EXT1: variants seen among roughly 807,000 people sequenced by gnomAD.
EXT1 encodes the protein exostosin-1.
In EXT1, 20 loss-of-function variants were observed where a neutral mutation model predicts 82.5. That is an observed-to-expected ratio of 0.24 (90% CI 0.17 to 0.35). The LOEUF (loss-of-function observed/expected upper bound fraction) is 0.35, where lower values mean the gene tolerates loss of function less well. Ranked by LOEUF, EXT1 falls within the 10% of genes least tolerant of loss-of-function variation. The pLI is 1.00. For missense variants in EXT1, 757 were observed against 936.5 expected (o/e 0.81, Z 2.50); for synonymous variants, 348 against 350.8 (o/e 0.99, Z 0.09).
intron 1 of EXT1, among the ~76,000 whole-genome samples, chr8:118,001,238 G>A (rs150493967): frequency 6.6e-6 from 1 of 152,290 alleles, no homozygotes; most frequent in Non-Finnish European, 1.5e-5. Flanking sequence ...TCAGGCTGGA[G>A]TGTAATGAGG....
intron 1 of EXT1, among the ~76,000 whole-genome samples, chr8:118,083,358 C>A (rs1324076423): frequency 6.6e-6 from 1 of 152,184 alleles, no homozygotes; most frequent in Non-Finnish European, 1.5e-5. Flanking sequence ...TACTCTCCAT[C>A]GAGTCCCCAT....
At chr8:118,071,892 C>G (rs1186810004) in intron 1 of EXT1, among the ~76,000 whole-genome samples, 1 of 141,564 alleles carries the variant, frequency 7.1e-6, no homozygotes, top group African/African-American at 2.7e-5. Context: ...AAACAGCATC[C>G]TGTCCCATTT....
intron 1 of EXT1, among the ~76,000 whole-genome samples, chr8:117,838,546 T>C (rs1187710305): frequency 3.9e-5 from 6 of 151,986 alleles, no homozygotes; most frequent in African/African-American, 9.7e-5. Context: ...CCATTGAGAG[T>C]AAAAATTTTC....
intron 1 of EXT1, among the ~76,000 whole-genome samples, chr8:118,051,620 CA>C (rs1160979885): frequency 6.6e-6 from 1 of 152,048 alleles, no homozygotes; most frequent in Non-Finnish European, 1.5e-5. Flanking sequence ...CTGTCAATGA[CA>C]GGCTGATTTA....
chr8:118,103,093 C>A (rs1027564215), intron 1 of EXT1, among the ~76,000 whole-genome samples: 3 of 152,104 alleles, frequency 2.0e-5, no homozygotes, highest in Non-Finnish European at 4.4e-5. Flanking sequence ...GAGGAGGTTG[C>A]GGTAAGCCGA....
chr8:118,042,117 A>G (rs1234931455), intron 1 of EXT1, among the ~76,000 whole-genome samples: 1 of 152,040 alleles, frequency 6.6e-6, no homozygotes, highest in Non-Finnish European at 1.5e-5. Context: ...TAAAGAAATT[A>G]CTTTTTCCAT....
chr8:118,034,851 C>T (rs1203936344), intron 1 of EXT1, among the ~76,000 whole-genome samples: 1 of 152,160 alleles, frequency 6.6e-6, no homozygotes, highest in Non-Finnish European at 1.5e-5. Context: ...GATGTTCCTA[C>T]TTGTACACAG....
chr8:118,026,261 G>A (rs1816200236), intron 1 of EXT1, among the ~76,000 whole-genome samples: 1 of 152,106 alleles, frequency 6.6e-6, no homozygotes, highest in Non-Finnish European at 1.5e-5. Context: ...GCTAAGGTGA[G>A]GGCTAATGGG....
At chr8:118,070,226 C>CTGTGTGTGTGTGTGTGTG (rs36229782) in intron 1 of EXT1, among the ~76,000 whole-genome samples, 2 of 133,352 alleles carry the variant, frequency 1.5e-5, no homozygotes, top group African/African-American at 2.8e-5. Flanking sequence ...TCATAAATTT[C>CTGTGTGTGTGTGTGTGTG]TGTGTGTGTG....
intron 1 of EXT1, among the ~76,000 whole-genome samples, chr8:118,044,171 T>C (rs1269340927): frequency 6.6e-6 from 1 of 152,230 alleles, no homozygotes; most frequent in African/African-American, 2.4e-5. Context: ...TACTATGTTA[T>C]AGCAACTATA....
chr8:117,818,653 G>A lies in EXT1; in HGVS notation c.1537-123C>T, dbSNP rs532513201. 3.9e-5 allele frequency: 31 copies of A among 801,898 alleles called. No homozygotes were observed. In the Admixed American group the frequency reaches 4.2e-4, roughly 11 times the overall value. The allele number at this position is 801,898 out of a possible 1,614,324, so 49.7% of individuals were successfully genotyped here. The stretch of plus-strand genomic sequence containing the variant: ...GCTGGAAATCTCAGCAAGACAAAAC[G>A]GCAGACATCAAAACTGAGTTTTAAA... On this transcript the variant is annotated intron_variant, in intron 6 of 10. Coordinates refer to ENST00000378204, the MANE Select transcript of EXT1 (RefSeq NM_000127.3).
chr8:118,032,459 C>A (rs1816342452), intron 1 of EXT1, among the ~76,000 whole-genome samples: 1 of 149,486 alleles, frequency 6.7e-6, no homozygotes, highest in South Asian at 2.1e-4. Flanking sequence ...AATCTAGTGT[C>A]TTTAAAATAC....
intron 1 of EXT1, among the ~76,000 whole-genome samples, chr8:117,890,532 G>A (rs1274268051): frequency 6.6e-6 from 1 of 152,206 alleles, no homozygotes; most frequent in Admixed American, 6.5e-5. Context: ...TAAACTCATA[G>A]TAGGCAGGGC....
chr8:117,925,319 A>T (rs868720554), intron 1 of EXT1, among the ~76,000 whole-genome samples: 2 of 151,698 alleles, frequency 1.3e-5, no homozygotes, highest in Admixed American at 6.6e-5. Context: ...TCTGGCACAC[A>T]CATAATTGTT....
intron 6 of EXT1, 107 bp from the exon 7 acceptor site, chr8:117,818,637 C>T (rs1811868342): frequency 1.1e-6 from 1 of 920,480 alleles, no homozygotes; most frequent in East Asian, 2.4e-5. Flanking sequence ...AGCTGGAAAT[C>T]TCAGCAAGAC....
At chr8:118,104,476 G>A (rs938273758) in intron 1 of EXT1, among the ~76,000 whole-genome samples, 3 of 152,080 alleles carry the variant, frequency 2.0e-5, no homozygotes, top group Non-Finnish European at 4.4e-5. Context: ...GAAAAAAAAC[G>A]CACTATTTTC....
At chr8:117,881,933 T>C (rs916671899) in intron 1 of EXT1, among the ~76,000 whole-genome samples, 3 of 152,162 alleles carry the variant, frequency 2.0e-5, no homozygotes, top group African/African-American at 7.2e-5. Flanking sequence ...CTATCCTGGA[T>C]AGAGTAGCTT....
At chr8:118,060,255 G>A (rs1405058870) in intron 1 of EXT1, among the ~76,000 whole-genome samples, 1 of 152,138 alleles carries the variant, frequency 6.6e-6, no homozygotes, top group Non-Finnish European at 1.5e-5. Flanking sequence ...CACATCTTAA[G>A]CCAGTGGTCA....
chr8:118,007,665 T>G (rs550228169), intron 1 of EXT1, among the ~76,000 whole-genome samples: 1 of 152,302 alleles, frequency 6.6e-6, no homozygotes, highest in South Asian at 2.1e-4. Context: ...CTAACATGAT[T>G]CTAGAGCTTC....
Sources: gnomAD v4.1 joint callset for allele counts (sites outside exome capture counted in the v4.1 genomes callset) on GRCh38, gnomAD v4.1.1 for gene constraint, MANE v1.5 for transcripts, NCBI Gene and HGNC (gene_info 2026-07-23, HGNC 2026-07-21) for gene names.